The following SAMD4A variants were observed in gnomAD, a reference collection of about 807,000 sequenced individuals.
The protein encoded by SAMD4A is sterile alpha motif domain containing 4A, also known as protein Smaug homolog 1.
A neutral mutation model predicts 81.3 loss-of-function variants in SAMD4A; 33 were observed. The observed-to-expected ratio is 0.41, with a 90% confidence interval of 0.31 to 0.54. The LOEUF is 0.54. Among genes scored for constraint, SAMD4A ranks in the 20% least tolerant of loss-of-function variants. The pLI is 0.37. For synonymous variants in SAMD4A, 389 were observed against 382.1 expected (o/e 1.02, Z -0.21); for missense variants, 854 against 951.1 (o/e 0.90, Z 1.34).
chr14:54,774,862 T>A, intron 9 of SAMD4A, 72 bp from the exon 10 acceptor site: 1 of 1,438,912 alleles, frequency 6.9e-7, no homozygotes, highest in Non-Finnish European at 9.7e-7. Context: ...GCGACATCCC[T>A]TGGGAAGCCT....
intron 2 of SAMD4A, among the ~76,000 whole-genome samples, chr14:54,676,226 A>G (rs918717900): frequency 6.6e-6 from 1 of 152,196 alleles, no homozygotes; most frequent in African/African-American, 2.4e-5. Flanking sequence ...TTGGTATTAA[A>G]AGTGCCTTTG....
At position 54,760,625 on chromosome 14, in the gene SAMD4A, A is replaced by T. The variant is rs1043537440; in HGVS notation, c.1510+131A>T. On this transcript the variant is annotated intron_variant, in intron 7 of 12. Coordinates refer to ENST00000554335, the MANE Select transcript of SAMD4A (RefSeq NM_015589.6). ...AGACATCATTAGCTTCATCTTACAG[A>T]TAGGGAAAGTGCAGTTCAGAGAGGT... 1.6e-5 allele frequency: 21 copies of T among 1,329,694 alleles called. No individual in the cohort carries two copies. In the East Asian group the frequency reaches 6.5e-4, roughly 41 times the overall value. 82.4% of individuals were successfully genotyped at this position (1,329,694 alleles called of 1,614,324 possible).
At chr14:54,716,330 A>C (rs1306893281) in intron 3 of SAMD4A, among the ~76,000 whole-genome samples, 5 of 152,154 alleles carry the variant, frequency 3.3e-5, no homozygotes, top group Admixed American at 3.3e-4. Context: ...AGCACCCAAC[A>C]CTGTCCTACA....
chr14:54,778,018 T>TA (rs1288590446), intron 11 of SAMD4A, among the ~76,000 whole-genome samples: 4 of 152,134 alleles, frequency 2.6e-5, no homozygotes, highest in Non-Finnish European at 4.4e-5. Flanking sequence ...CCATTCCCAA[T>TA]AAAAAAGAAT....
chr14:54,677,729 C>T (rs2036022844), intron 2 of SAMD4A, among the ~76,000 whole-genome samples: 5 of 152,112 alleles, frequency 3.3e-5, no homozygotes, highest in Admixed American at 1.3e-4. Context: ...CACACATTCT[C>T]GAATACCACA....
intron 2 of SAMD4A, among the ~76,000 whole-genome samples, chr14:54,628,407 A>G (rs561256136): frequency 1.2e-3 from 184 of 152,300 alleles, no homozygotes; most frequent in Non-Finnish European, 2.3e-3. Context: ...GAATAATGGC[A>G]TGGATGAAGA....
intron 2 of SAMD4A, among the ~76,000 whole-genome samples, chr14:54,597,438 C>T (rs2033940052): frequency 6.6e-6 from 1 of 151,838 alleles, no homozygotes; most frequent in Admixed American, 6.6e-5. Context: ...CCACACTTGG[C>T]TAATTTTGTA....
intron 2 of SAMD4A, among the ~76,000 whole-genome samples, chr14:54,606,225 ACGTGCACGTGTG>A (rs2034201895): frequency 6.9e-6 from 1 of 145,614 alleles, no homozygotes; most frequent in African/African-American, 2.7e-5. Context: ...GTGCACGTGC[ACGTGCACGTGTG>A]CGCTCATTTC....
chr14:54,587,360 A>G (rs574128755), intron 2 of SAMD4A, among the ~76,000 whole-genome samples: 9 of 152,314 alleles, frequency 5.9e-5, no homozygotes, highest in Non-Finnish European at 1.3e-4. Flanking sequence ...GTATACAATC[A>G]TATCATCAGC....
At position 54,775,248 on chromosome 14, in the gene SAMD4A, G is replaced by A. The variant is rs1232583327; in HGVS notation, c.1917+113G>A. On this transcript the variant is annotated intron_variant, in intron 10 of 12. Transcript: ENST00000554335. Reference sequence around the variant, plus strand: ...GAGAGGCCAAAGGGGACTATGCTGGGGGCAGTTGCCACCATTCCTCAGAGG... The same window carrying A: ...GAGAGGCCAAAGGGGACTATGCTGGAGGCAGTTGCCACCATTCCTCAGAGG... 3 of 1,151,974 alleles carry A rather than the reference G, an allele frequency of 2.6e-6. No individual in the cohort carries two copies. In the African/African-American group the frequency reaches 4.6e-5, roughly 18 times the overall value. 71.4% of individuals were successfully genotyped at this position (1,151,974 alleles called of 1,614,324 possible).
chr14:54,701,296 C>G (rs1181560857), intron 2 of SAMD4A, among the ~76,000 whole-genome samples: 1 of 152,164 alleles, frequency 6.6e-6, no homozygotes, highest in Non-Finnish European at 1.5e-5. Context: ...GCCACCACCC[C>G]CAGCCTGTGA....
intron 2 of SAMD4A, chr14:54,687,155 T>C: frequency 2.8e-6 from 1 of 351,438 alleles, no homozygotes; most frequent in South Asian, 2.2e-5. Flanking sequence ...TCTAACATTA[T>C]ATAAAGAAGT....
At chr14:54,753,367 T>A (rs139685105) in intron 6 of SAMD4A, among the ~76,000 whole-genome samples, 23,007 of 151,618 alleles carry the variant, frequency 0.15, 1,234 homozygotes, top group African/African-American at 0.19. Context: ...ATACTGCTTG[T>A]AAACATTTTG....
intron 2 of SAMD4A, among the ~76,000 whole-genome samples, chr14:54,643,511 A>G (rs2035219631): frequency 6.6e-6 from 1 of 152,352 alleles, no homozygotes; most frequent in African/African-American, 2.4e-5. Context: ...GGAGATCCTC[A>G]GCAGCCCACT....
intron 2 of SAMD4A, among the ~76,000 whole-genome samples, chr14:54,626,559 T>C (rs944896899): frequency 2.0e-5 from 3 of 152,194 alleles, no homozygotes; most frequent in Admixed American, 2.0e-4. Context: ...TGGCCAACTT[T>C]GACTTTCCAA....
intron 2 of SAMD4A, among the ~76,000 whole-genome samples, chr14:54,643,087 A>G (rs2035209639): frequency 6.6e-6 from 1 of 152,266 alleles, no homozygotes; most frequent in Admixed American, 6.5e-5. Context: ...AAAGAGTTGA[A>G]TCAACAAGGC....
intron 5 of SAMD4A, 72 bp from the exon 6 acceptor site, chr14:54,751,379 G>T: frequency 9.8e-7 from 1 of 1,024,344 alleles, no homozygotes; most frequent in South Asian, 1.5e-5. Flanking sequence ...AAGCCTCCAA[G>T]AATCTGTAAG....
At chr14:54,757,383 TTGTGTGTGTGTGTGTGTGTGTGTGTG>T (rs3051653) in intron 6 of SAMD4A, among the ~76,000 whole-genome samples, 2 of 140,158 alleles carry the variant, frequency 1.4e-5, no homozygotes, top group African/African-American at 2.7e-5. Flanking sequence ...GTTTCTTTAT[TTGTGTGTGTGTGTGTGTGTGTGTGTG>T]TGTGTGTGTG....
intron 3 of SAMD4A, among the ~76,000 whole-genome samples, chr14:54,727,896 A>AG (rs1191215325): frequency 1.3e-5 from 2 of 152,174 alleles, no homozygotes; most frequent in African/African-American, 4.8e-5. Context: ...ACAGGAGCAA[A>AG]GGGAGCCCAG....
Sources: allele counts gnomAD v4.1 joint callset (sites outside exome capture counted in the v4.1 genomes callset), GRCh38; gene constraint gnomAD v4.1.1; transcripts MANE v1.5; gene names NCBI Gene and HGNC (gene_info 2026-07-23, HGNC 2026-07-21).